The following GSDMB variants were observed in gnomAD, a reference collection of about 807,000 sequenced individuals.
GSDMB encodes the protein gasdermin B, also known as gasdermin-B.
GSDMB carries 32 observed loss-of-function variants against 42.9 expected under a neutral mutation model. That is an observed-to-expected ratio of 0.75 (90% CI 0.56 to 1.00). The LOEUF is 1.00. Ranked by LOEUF, GSDMB falls within the 50% of genes least tolerant of loss-of-function variation. The probability of loss-of-function intolerance (pLI) is 0.00; values close to 1 mark genes in which losing one functional copy is unlikely to be tolerated. For missense variants in GSDMB, 468 were observed against 498.5 expected (o/e 0.94, Z 0.58); for synonymous variants, 175 against 193.7 (o/e 0.90, Z 0.80).
chr17:39,906,489 C>T, intron 7 of GSDMB: 1 of 1,163,742 alleles, frequency 8.6e-7, no homozygotes. Flanking sequence ...AGCTCACCCC[C>T]AGTCTAGTCC....
Position 39,914,838 on chromosome 17 carries a change from T to TTG in GSDMB, c.235+2243_235+2244insCA, listed in dbSNP as rs970150913. Among the ~76,000 whole-genome samples the TTG allele has an allele frequency of 7.6e-4, 115 of 151,150 alleles. 1 individual carries two copies. Among genetic ancestry groups the TTG allele is most frequent in the African/African-American group, 2.6e-3 (107 of 41,036 alleles). On this transcript the variant is annotated intron_variant, in intron 2 of 10. Transcript: ENST00000418519. Reference sequence around the variant, plus strand: ...AACACAAAATCCTATGCACACTTTTTTTTTTGTTTTTTTTTGAGACGGAGT... The same window carrying TTG: ...AACACAAAATCCTATGCACACTTTTTTGTTTTTGTTTTTTTTTGAGACGGAGT...
intron 2 of GSDMB, among the ~76,000 whole-genome samples, chr17:39,916,270 T>A (rs980662815): frequency 1.4e-5 from 2 of 147,232 alleles, no homozygotes; most frequent in African/African-American, 5.1e-5. Context: ...ACGTAATTTG[T>A]TCTCATTTGA....
At position 39,904,740 on chromosome 17, in the gene GSDMB, G is replaced by T; in HGVS notation, c.*72C>A. The T allele has an allele frequency of 1.6e-6, 2 of 1,261,172 alleles. No homozygotes were observed. The highest frequency in any genetic ancestry group is 1.3e-5 in the South Asian group (1 of 76,018). The allele number at this position is 1,261,172 out of a possible 1,614,324, so 78.1% of individuals were successfully genotyped here. ...AGGTCCCACTGGTGACAGGATGGTAGTGGCGATGGCAGTGAGGACAGACTG... is the reference window on the plus strand; with the variant it reads ...AGGTCCCACTGGTGACAGGATGGTATTGGCGATGGCAGTGAGGACAGACTG... On this transcript the variant is annotated 3_prime_UTR_variant, in exon 11 of 11. Transcript: ENST00000418519.
intron 7 of GSDMB, 112 bp downstream of exon 7, chr17:39,906,849 C>T (rs1420767452): frequency 6.4e-7 from 1 of 1,574,796 alleles, no homozygotes. Flanking sequence ...TAGGCAGTGC[C>T]TCCCGACTTC....
intron 5 of GSDMB, 88 bp downstream of exon 5, chr17:39,908,870 A>T (rs2063555112): frequency 3.6e-6 from 3 of 840,716 alleles, no homozygotes; most frequent in Non-Finnish European, 5.9e-6. Context: ...CACCCACCCT[A>T]GGCTGACAGA....
chr17:39,912,513 T>TA lies in GSDMB; in HGVS notation c.236-17dup, dbSNP rs2063630454. On this transcript the variant is annotated splice_polypyrimidine_tract_variant and intron_variant, in intron 2 of 10. Transcript: ENST00000418519. ...GCCTTTTGACCTGGAAAGAGAATGA[T>TA]AAAGGTCACTCTGGAGCAGACCCCC... The TA allele has an allele frequency of 6.2e-7, 1 of 1,602,070 alleles. No individual in the cohort carries two copies. Among genetic ancestry groups the TA allele is most frequent in the East Asian group, 2.2e-5 (1 of 44,796 alleles).
chr17:39,907,294 C>A, intron 6 of GSDMB: 1 of 854,750 alleles, frequency 1.2e-6, no homozygotes, highest in Non-Finnish European at 1.5e-6. Context: ...CTATCCCTTT[C>A]CAAGCTCTCT....
At chr17:39,906,605 T>G in intron 7 of GSDMB, 1 of 1,302,936 alleles carries the variant, frequency 7.7e-7, no homozygotes, top group Non-Finnish European at 9.7e-7. Context: ...TAATTAGGAT[T>G]TGGAGAAAGT....
Position 39,904,650 on chromosome 17 carries a change from G to C in GSDMB, c.*162C>G, listed in dbSNP as rs1316289661. ...GAAGTCCATGTATGAAATCCAGGCT[G>C]GTTTTGGATGTTAACATGGAGCGAA... is the stretch of plus-strand genomic sequence containing the variant. On this transcript the variant is annotated 3_prime_UTR_variant, in exon 11 of 11. Coordinates refer to ENST00000418519, the MANE Select transcript of GSDMB (RefSeq NM_001165958.2). 1 of 563,998 alleles carries C rather than the reference G, an allele frequency of 1.8e-6. No homozygotes were observed. 34.9% of individuals were successfully genotyped at this position (563,998 alleles called of 1,614,324 possible). A position where few individuals can be genotyped will look rare whatever the true frequency, so the allele number is the denominator to read the frequency against.
In GSDMB at chr17:39,907,098, C is replaced by G. The variant is rs1050124414; in HGVS notation, c.701-111G>C. Reference sequence around the variant, plus strand: ...ACTCTTGCAATCTGAGCCCTCACTGCTGGTGCCAGGGAGCCTGCATCCTCA... The same window carrying G: ...ACTCTTGCAATCTGAGCCCTCACTGGTGGTGCCAGGGAGCCTGCATCCTCA... On this transcript the variant is annotated intron_variant, in intron 6 of 10. Transcript: ENST00000418519. 1.1e-5 allele frequency: 17 copies of G among 1,559,816 alleles called. No homozygotes were observed. The African/African-American group carries it at 2.0e-4, about 19-fold the overall frequency.
chr17:39,905,138 C>G, intron 10 of GSDMB, 174 bp from the exon 11 acceptor site: 4 of 635,000 alleles, frequency 6.3e-6, no homozygotes, highest in Non-Finnish European at 1.1e-5. Flanking sequence ...GTGGCAGGCT[C>G]TGCTAGTCAG....
In GSDMB at chr17:39,912,494, T is replaced by C. The variant is rs1160022238; in HGVS notation, c.239A>G (p.Gln80Arg). Residue 80 changes from glutamine (Q) to arginine (R), a missense_variant, in exon 3 of 11, where the codon CAA (glutamine) becomes CGA (arginine). Physicochemically the swap from Gln to Arg is conservative, Grantham distance 43. Transcript: ENST00000418519. ...LDELDSGLQG[Q>R]KAEFQILDNV... ...ATCCAGAATTTGAAACTCAGCCTTT[T>C]GACCTGGAAAGAGAATGATAAAGGT... The C allele has an allele frequency of 6.2e-7, 1 of 1,611,390 alleles. No homozygotes were observed. The highest frequency in any genetic ancestry group is 8.5e-7 in the Non-Finnish European group (1 of 1,177,478).
rs1208797913 is a variant in GSDMB at position 39,905,993 on chromosome 17, C to T, written c.889-8G>A. On this transcript the variant is annotated splice_region_variant and splice_polypyrimidine_tract_variant and intron_variant, in intron 8 of 10. Coordinates refer to ENST00000418519, the MANE Select transcript of GSDMB (RefSeq NM_001165958.2). ...AATCAGGACCTCAGATACCTAGGGC[C>T]AGGAAGTGTGGGAGATGAGCAGCAG... 1.9e-6 allele frequency: 3 copies of T among 1,613,812 alleles called. No homozygotes were observed. The highest frequency in any genetic ancestry group is 2.5e-6 in the Non-Finnish European group (3 of 1,179,822).
chr17:39,906,612 A>C, intron 7 of GSDMB: 2 of 1,303,302 alleles, frequency 1.5e-6, no homozygotes, highest in Non-Finnish European at 1.9e-6. Context: ...GATTTGGAGA[A>C]AGTTAAAGCA....
rs1272869926 is a variant in GSDMB at position 39,909,062 on chromosome 17, T to C, written c.577-20A>G. 8.9e-6 allele frequency: 13 copies of C among 1,459,684 alleles called. No individual in the cohort carries two copies. Among genetic ancestry groups the C allele is most frequent in the Middle Eastern group, 3.5e-4 (2 of 5,764 alleles). 90.4% of individuals were successfully genotyped at this position (1,459,684 alleles called of 1,614,324 possible). On this transcript the variant is annotated intron_variant, in intron 4 of 10. Transcript: ENST00000418519. The stretch of plus-strand genomic sequence containing the variant: ...TTGGCCCTAGAAAAAGGAGCTCACA[T>C]TGACGGATCCCCAGGTGTTTCTACA...
intron 2 of GSDMB, among the ~76,000 whole-genome samples, chr17:39,912,862 T>C (rs992145249): frequency 6.6e-6 from 1 of 152,200 alleles, no homozygotes; most frequent in Non-Finnish European, 1.5e-5. Flanking sequence ...TCCCAGAACT[T>C]TGGGAGGCTG....
rs188841169 is a variant in GSDMB at position 39,913,470 on chromosome 17, G to A, written c.236-973C>T. Among the ~76,000 whole-genome samples the A allele has an allele frequency of 4.4e-3, 673 of 152,198 alleles. 6 individuals carry two copies. The highest frequency in any genetic ancestry group is 0.01 in the Middle Eastern group (3 of 294). ...AAACCCCATCTCTACCAAATTAGTC[G>A]GGGGTGGTGGCACATGCCTGTAATT... On this transcript the variant is annotated intron_variant, in intron 2 of 10. Transcript: ENST00000418519.
chr17:39,910,878 T>C (rs1168856486), intron 3 of GSDMB, among the ~76,000 whole-genome samples: 1 of 152,098 alleles, frequency 6.6e-6, no homozygotes, highest in African/African-American at 2.4e-5. Context: ...AAACAAGCAT[T>C]CTATAATAGA....
At chr17:39,906,704 A>G in intron 7 of GSDMB, 1 of 1,222,620 alleles carries the variant, frequency 8.2e-7, no homozygotes, top group Non-Finnish European at 1.1e-6. Flanking sequence ...CCCACAATTA[A>G]GTCAGAGTTT....
Sources: gnomAD v4.1 joint callset for allele counts (sites outside exome capture counted in the v4.1 genomes callset) on GRCh38, gnomAD v4.1.1 for gene constraint, MANE v1.5 for transcripts, NCBI Gene and HGNC (gene_info 2026-07-23, HGNC 2026-07-21) for gene names.